The following RFLNA variants were observed in gnomAD, a reference collection of about 807,000 sequenced individuals.
The protein encoded by RFLNA is refilin-A.
A neutral mutation model predicts 7.8 loss-of-function variants in RFLNA; 5 were observed. The observed-to-expected ratio is 0.64, with a 90% CI of 0.34 to 1.35. The LOEUF is 1.35. Among genes scored for constraint, RFLNA ranks in the 40% most tolerant of loss-of-function variants. The pLI is 0.04. For synonymous variants in RFLNA, 141 were observed against 131.3 expected, an observed-to-expected ratio of 1.07 and a Z score of -0.50; for missense variants, 278 against 305.5, an observed-to-expected ratio of 0.91 and a Z score of 0.67.
intron 1 of RFLNA, among the ~76,000 whole-genome samples, chr12:124,309,540 G>A (rs541777498): frequency 2.0e-5 from 3 of 152,342 alleles, no homozygotes; most frequent in African/African-American, 7.2e-5. Context: ...CCAAAGCTGT[G>A]CTATTCATAC....
In RFLNA at chr12:124,314,534, G is replaced by A; in HGVS notation, c.*9G>A. 1 of 1,558,980 alleles carries A rather than the reference G, an allele frequency of 6.4e-7. No individual in the cohort carries two copies. The highest frequency in any genetic ancestry group is 8.6e-7 in the Non-Finnish European group (1 of 1,158,874). ...GCCCTGCCACGCTCTGACGGGGCTG[G>A]GGCCGGCCCGGGGTGCTGGAGGAGC... On this transcript the variant is annotated 3_prime_UTR_variant, in exon 3 of 3. Coordinates refer to ENST00000546355, the MANE Select transcript of RFLNA (RefSeq NM_001365156.1).
In RFLNA at chr12:124,315,266, G is replaced by T. The variant is rs1443531879; in HGVS notation, c.*741G>T. The stretch of plus-strand genomic sequence containing the variant: ...CACTGCCCGTCGAAATGGAAAGGTT[G>T]GTGCTCAGCCTCTGGAGCCTCACCT... On this transcript the variant is annotated 3_prime_UTR_variant, in exon 3 of 3. Transcript: ENST00000546355. 6.4e-6 allele frequency: 1 copy of T among 155,524 alleles called. No individual in the cohort carries two copies. Among genetic ancestry groups the T allele is most frequent in the African/African-American group, 2.4e-5 (1 of 41,478 alleles). The allele number at this position is 155,524 out of a possible 1,614,324, so 9.6% of individuals were successfully genotyped here. A position where few individuals can be genotyped will look rare whatever the true frequency, so the allele number is the denominator to read the frequency against.
chr12:124,292,962 T>A (rs1252759043), upstream of RFLNA, among the ~76,000 whole-genome samples: 1 of 152,212 alleles, frequency 6.6e-6, no homozygotes, highest in Non-Finnish European at 1.5e-5. Flanking sequence ...CTTGCTCTGT[T>A]GCCCAGGCTG....
chr12:124,293,837 CG>C (rs1308384890), upstream of RFLNA, among the ~76,000 whole-genome samples: 3 of 152,168 alleles, frequency 2.0e-5, no homozygotes, highest in African/African-American at 7.2e-5. Context: ...CCACATGGTG[CG>C]CTAATTCTCA....
chr12:124,307,121 G>A (rs1468726950), intron 1 of RFLNA, among the ~76,000 whole-genome samples: 2 of 152,242 alleles, frequency 1.3e-5, no homozygotes, highest in East Asian at 1.9e-4. Flanking sequence ...CCCATCCGCG[G>A]GGGCATCGTG....
At chr12:124,300,455 C>G (rs1208283235) in intron 1 of RFLNA, among the ~76,000 whole-genome samples, 1 of 152,212 alleles carries the variant, frequency 6.6e-6, no homozygotes, top group Non-Finnish European at 1.5e-5. Flanking sequence ...GGCTGGGACC[C>G]TTGGGACTCT....
intron 1 of RFLNA, among the ~76,000 whole-genome samples, chr12:124,298,082 C>T (rs572266672): frequency 3.9e-5 from 6 of 152,254 alleles, no homozygotes; most frequent in Admixed American, 6.5e-5. Context: ...AGGTTCAGAC[C>T]GCGTTTGGCA....
chr12:124,300,970 A>AGATG (rs1566323100), intron 1 of RFLNA, among the ~76,000 whole-genome samples: 1 of 151,066 alleles, frequency 6.6e-6, no homozygotes, highest in Non-Finnish European at 1.5e-5. Flanking sequence ...ATGGATGGAT[A>AGATG]GATGGATGGA....
intron 1 of RFLNA, among the ~76,000 whole-genome samples, chr12:124,296,635 C>T (rs1015487604): frequency 6.6e-6 from 1 of 152,242 alleles, no homozygotes. Flanking sequence ...GAAAATCCTC[C>T]TCCCCACAGC....
chr12:124,294,566 G>C (rs982540112), upstream of RFLNA, among the ~76,000 whole-genome samples: 1 of 151,124 alleles, frequency 6.6e-6, no homozygotes, highest in Non-Finnish European at 1.5e-5. Context: ...GCCAGATGCC[G>C]GGGGATTCCC....
chr12:124,302,872 G>A (rs1035118730), intron 1 of RFLNA, among the ~76,000 whole-genome samples: 1 of 150,586 alleles, frequency 6.6e-6, no homozygotes. Flanking sequence ...GTCAGGGGCC[G>A]AGGTCAGGGG....
upstream of RFLNA, among the ~76,000 whole-genome samples, chr12:124,291,646 G>A (rs1434579449): frequency 1.3e-5 from 2 of 152,176 alleles, no homozygotes; most frequent in South Asian, 2.1e-4. Flanking sequence ...CCAGGAATGC[G>A]CAGCCCTACT....
chr12:124,304,345 G>A (rs2034101067), intron 1 of RFLNA, among the ~76,000 whole-genome samples: 1 of 152,228 alleles, frequency 6.6e-6, no homozygotes, highest in Non-Finnish European at 1.5e-5. Context: ...CACGGCTTCT[G>A]GTGTCTCCTG....
chr12:124,311,567 A>C (rs1277944846), intron 1 of RFLNA: 1 of 378,798 alleles, frequency 2.6e-6, no homozygotes, highest in Non-Finnish European at 4.7e-6. Context: ...CCCCTTGTTG[A>C]GAACTGGGAG....
rs187612595 is a variant in RFLNA, at chr12:124,306,401, G to C, written c.208-5417G>C. 1.3e-5 allele frequency among the ~76,000 whole-genome samples: 2 copies of C among 152,128 alleles called. No individual in the cohort carries two copies. The highest frequency in any genetic ancestry group is 2.9e-5 in the Non-Finnish European group (2 of 68,008). On this transcript the variant is annotated intron_variant, in intron 1 of 2. Transcript: ENST00000546355. The surrounding 1 kb of genome is among the most constrained non-coding windows in gnomAD (Gnocchi z 5.2). ...ACAGCGGGAACACCGAGGCAGCCTC[G>C]GGTCACAGACAAGGGGCCGAGACAG...
intron 1 of RFLNA, among the ~76,000 whole-genome samples, chr12:124,297,146 T>G (rs10773079): frequency 0.98 from 149,219 of 152,168 alleles, 73,228 homozygotes; most frequent in Middle Eastern, 1. Context: ...AAAAACGACC[T>G]GGAATCCGCC....
Position 124,314,279 on chromosome 12 carries a change from C to T in RFLNA, c.405C>T (p.Ser135=), listed in dbSNP as rs774363498. The change falls in exon 3 of 3, where the codon AGC becomes AGT. Residue 135 remains serine, a synonymous_variant. Transcript: ENST00000546355. ...YAPVPTVTAY[S]ETIVAAPNCT... is the part of the protein sequence containing the mutation. ...CCGTACCCACCGTCACGGCCTACAGCGAGACCATCGTGGCAGCACCCAACT... is the reference window on the plus strand; with the variant it reads ...CCGTACCCACCGTCACGGCCTACAGTGAGACCATCGTGGCAGCACCCAACT... 1.9e-5 allele frequency: 31 copies of T among 1,613,534 alleles called. 1 individual carries two copies. Among genetic ancestry groups the T allele is most frequent in the African/African-American group, 4.0e-5 (3 of 74,950 alleles).
At chr12:124,312,708 G>T (rs1207184904) in intron 2 of RFLNA, among the ~76,000 whole-genome samples, 1 of 152,212 alleles carries the variant, frequency 6.6e-6, no homozygotes, top group Non-Finnish European at 1.5e-5. Flanking sequence ...TTGTCCAGCT[G>T]CTCCATGTTC....
chr12:124,300,281 G>T (rs575203560), intron 1 of RFLNA, among the ~76,000 whole-genome samples: 51 of 152,316 alleles, frequency 3.3e-4, no homozygotes, highest in African/African-American at 1.2e-3. Flanking sequence ...CCTCAGTCTT[G>T]TTTATGCAGT....
Sources: gnomAD v4.1 joint callset for allele counts (sites outside exome capture counted in the v4.1 genomes callset) on GRCh38, gnomAD v4.1.1 for gene constraint, Gnocchi (gnomAD v3.1) non-coding constraint, MANE v1.5 for transcripts, NCBI Gene and HGNC (gene_info 2026-07-23, HGNC 2026-07-21) for gene names.